Variants in ARIH1 observed in about 807,000 individuals in gnomAD.
ARIH1 encodes ariadne RBR E3 ubiquitin protein ligase 1.
A neutral mutation model predicts 85.0 loss-of-function variants in ARIH1; 8 were observed. The ratio of observed to expected loss-of-function variants is 0.09; its 90% CI spans 0.06 to 0.17. The LOEUF (loss-of-function observed/expected upper bound fraction) is 0.17, where lower values mean the gene tolerates loss of function less well. Ranked by LOEUF, ARIH1 falls within the 10% of genes least tolerant of loss-of-function variation. ARIH1 has a pLI of 1.00. For missense variants in ARIH1, 311 were observed against 718.1 expected (o/e 0.43, Z 6.48); for synonymous variants, 238 against 253.6 (o/e 0.94, Z 0.59).
Position 72,527,109 on chromosome 15 carries a change from T to G in ARIH1, c.443+8975T>G, listed in dbSNP as rs138310982. ...ATATCTTGAACCTTTTCCTCCTTTC[T>G]TGGTATATCAGTCAGGATTTTTCAT... On this transcript the variant is annotated intron_variant, in intron 2 of 13. Transcript: ENST00000379887. 3.9e-5 allele frequency among the ~76,000 whole-genome samples: 6 copies of G among 152,338 alleles called. No individual in the cohort carries two copies. In the East Asian group the frequency reaches 1.2e-3, roughly 29 times the overall value.
intron 3 of ARIH1, among the ~76,000 whole-genome samples, chr15:72,548,526 T>C (rs2064139276): frequency 6.6e-6 from 1 of 152,130 alleles, no homozygotes; most frequent in East Asian, 1.9e-4. Context: ...ATGCAAGTGA[T>C]AGGATAAGAT....
At chr15:72,515,935 T>C (rs2063973015) in intron 1 of ARIH1, among the ~76,000 whole-genome samples, 1 of 152,218 alleles carries the variant, frequency 6.6e-6, no homozygotes, top group Non-Finnish European at 1.5e-5. Context: ...CATGGAATTA[T>C]AGTTTGAGTC....
At chr15:72,581,038 T>C in intron 12 of ARIH1, 47 bp downstream of exon 12, 1 of 1,560,330 alleles carries the variant, frequency 6.4e-7, no homozygotes, top group Non-Finnish European at 8.7e-7. Flanking sequence ...GTATCATAGG[T>C]CTACCTGATC....
intron 2 of ARIH1, among the ~76,000 whole-genome samples, chr15:72,533,257 G>A (rs2064066112): frequency 6.6e-6 from 1 of 152,124 alleles, no homozygotes; most frequent in South Asian, 2.1e-4. Flanking sequence ...AGCCTCCCAA[G>A]TAGCTGGGAC....
chr15:72,529,148 C>T (rs1024296017), intron 2 of ARIH1, among the ~76,000 whole-genome samples: 3 of 152,006 alleles, frequency 2.0e-5, no homozygotes, highest in Admixed American at 6.6e-5. Flanking sequence ...TGCAGTGAGC[C>T]GAGATCCACC....
In ARIH1 at chr15:72,590,716, A is replaced by G. The variant is rs553948963; in HGVS notation, c.*7424A>G. On this transcript the variant is annotated 3_prime_UTR_variant, in exon 14 of 14. Coordinates refer to ENST00000379887, the MANE Select transcript of ARIH1 (RefSeq NM_005744.5). Reference sequence around the variant, plus strand: ...CCTGCCACAGCCTCCTGAGTAACCTAGGACTATAGGTGCATGCCACCATGC... The same window carrying G: ...CCTGCCACAGCCTCCTGAGTAACCTGGGACTATAGGTGCATGCCACCATGC... The G allele has an allele frequency of 6.6e-6, 1 of 152,384 alleles. No homozygotes were observed. The highest frequency in any genetic ancestry group is 6.5e-5 in the Admixed American group (1 of 15,298). 9.4% of individuals were successfully genotyped at this position (152,384 alleles called of 1,614,324 possible).
chr15:72,536,045 T>G (rs961776978), intron 2 of ARIH1, among the ~76,000 whole-genome samples: 5 of 152,158 alleles, frequency 3.3e-5, no homozygotes, highest in Admixed American at 6.5e-5. Context: ...ATGTGTTTGA[T>G]GATCTTGGTA....
intron 5 of ARIH1, among the ~76,000 whole-genome samples, chr15:72,556,624 T>TA (rs1210258225): frequency 2.6e-5 from 4 of 152,222 alleles, no homozygotes; most frequent in African/African-American, 9.7e-5. Context: ...GTTACATGGG[T>TA]AAATTCCTTG....
chr15:72,502,028 C>T (rs1160366468), intron 1 of ARIH1, among the ~76,000 whole-genome samples: 1 of 152,088 alleles, frequency 6.6e-6, no homozygotes, highest in African/African-American at 2.4e-5. Context: ...TCTCTTGATG[C>T]AAAGTCATAG....
chr15:72,538,309 A>C (rs2064091815), intron 2 of ARIH1, among the ~76,000 whole-genome samples: 1 of 152,216 alleles, frequency 6.6e-6, no homozygotes, highest in African/African-American at 2.4e-5. Flanking sequence ...AGTTGCAGTG[A>C]GCTGAGATGA....
At chr15:72,475,146 C>T in intron 1 of ARIH1, 132 bp downstream of exon 1, 4 of 1,426,450 alleles carry the variant, frequency 2.8e-6, no homozygotes, top group Non-Finnish European at 3.7e-6. Context: ...TTGTCTTCTC[C>T]GCTGCCTCTG....
intron 2 of ARIH1, among the ~76,000 whole-genome samples, chr15:72,540,244 G>A (rs1361759878): frequency 8.2e-6 from 1 of 121,272 alleles, no homozygotes; most frequent in Non-Finnish European, 1.7e-5. Flanking sequence ...GGTGACAAGA[G>A]CGAGACTTTG....
At chr15:72,540,463 A>G (rs1461205670) in intron 2 of ARIH1, among the ~76,000 whole-genome samples, 1 of 152,112 alleles carries the variant, frequency 6.6e-6, no homozygotes, top group Non-Finnish European at 1.5e-5. Context: ...TTCCAAATAA[A>G]CATTGTGGAG....
chr15:72,548,318 CT>C (rs1185633299), intron 3 of ARIH1, among the ~76,000 whole-genome samples: 2 of 152,062 alleles, frequency 1.3e-5, no homozygotes, highest in Non-Finnish European at 2.9e-5. Context: ...AGAGAATGTA[CT>C]TTCAAGAACT....
rs2064302325 is a variant in ARIH1, at chr15:72,583,376, A to T, written c.*84A>T. 1 of 1,140,710 alleles carries T rather than the reference A, an allele frequency of 8.8e-7. No homozygotes were observed. Among genetic ancestry groups the T allele is most frequent in the African/African-American group, 1.5e-5 (1 of 64,938 alleles). 70.7% of individuals were successfully genotyped at this position (1,140,710 alleles called of 1,614,324 possible). On this transcript the variant is annotated 3_prime_UTR_variant, in exon 14 of 14. Coordinates refer to ENST00000379887, the MANE Select transcript of ARIH1 (RefSeq NM_005744.5). ...TAAAACAAAACAAACACAAACAAGG[A>T]GGCACTAAGCCTATTCTGACACCAC...
chr15:72,512,997 C>T (rs779770825), intron 1 of ARIH1, among the ~76,000 whole-genome samples: 26 of 151,958 alleles, frequency 1.7e-4, no homozygotes, highest in Non-Finnish European at 3.2e-4. Context: ...TTAGTGTTTG[C>T]GTGATATATC....
Position 72,582,200 on chromosome 15 carries a change from T to C in ARIH1, c.1589+13T>C. The C allele has an allele frequency of 6.3e-7, 1 of 1,576,134 alleles. No individual in the cohort carries two copies. Among genetic ancestry groups the C allele is most frequent in the Non-Finnish European group, 8.7e-7 (1 of 1,151,538 alleles). On this transcript the variant is annotated intron_variant, in intron 13 of 13. Coordinates refer to ENST00000379887, the MANE Select transcript of ARIH1 (RefSeq NM_005744.5). This position sits in a 1 kb window ranked among gnomAD's most constrained non-coding sequence, Gnocchi z 4.6. ...AAGACAAGTACAGGTAATTTTTTTTTAAGCTGTTGAATAAAACTTTCTGCC... is the reference window on the plus strand; with the variant it reads ...AAGACAAGTACAGGTAATTTTTTTTCAAGCTGTTGAATAAAACTTTCTGCC...
rs1189509633 is a variant in ARIH1 at position 72,597,674 on chromosome 15, A to C, written c.*14382A>C. 6.6e-6 allele frequency: 1 copy of C among 151,968 alleles called. No individual in the cohort carries two copies. Among genetic ancestry groups the C allele is most frequent in the African/African-American group, 2.4e-5 (1 of 41,350 alleles). The allele number at this position is 151,968 out of a possible 1,614,324, so 9.4% of individuals were successfully genotyped here. A position where few individuals can be genotyped will look rare whatever the true frequency, so the allele number is the denominator to read the frequency against. On this transcript the variant is annotated 3_prime_UTR_variant, in exon 14 of 14. Coordinates refer to ENST00000379887, the MANE Select transcript of ARIH1 (RefSeq NM_005744.5). The stretch of plus-strand genomic sequence containing the variant: ...TCTCTCAGCGTTCCTTCTATTATCC[A>C]CACCTTTAGTGTACTACACCTTCCT...
chr15:72,516,685 G>A lies in ARIH1; in HGVS notation c.376-1382G>A. The stretch of plus-strand genomic sequence containing the variant: ...GAGTAAGTGAGTGTCTGTATCTTTG[G>A]CTTTTGGAGGGGAGTATGCATGTGT... On this transcript the variant is annotated intron_variant, in intron 1 of 13. Coordinates refer to ENST00000379887, the MANE Select transcript of ARIH1 (RefSeq NM_005744.5). 1.3e-5 allele frequency among the ~76,000 whole-genome samples: 2 copies of A among 152,112 alleles called. 1 individual carries two copies. The highest frequency in any genetic ancestry group is 1.3e-4 in the Admixed American group (2 of 15,274).
Sources: gnomAD v4.1 joint callset for allele counts (sites outside exome capture counted in the v4.1 genomes callset) on GRCh38, gnomAD v4.1.1 for gene constraint, Gnocchi (gnomAD v3.1) non-coding constraint, MANE v1.5 for transcripts, NCBI Gene and HGNC (gene_info 2026-07-23, HGNC 2026-07-21) for gene names.